The following FAM168A variants were observed in gnomAD, a reference collection of about 807,000 sequenced individuals.
The protein encoded by FAM168A is family with sequence similarity 168 member A.
In FAM168A, 3 loss-of-function variants were observed where a neutral mutation model predicts 28.5. That is an observed-to-expected ratio of 0.11 (90% CI 0.05 to 0.27). The LOEUF is 0.27. Ranked by LOEUF, FAM168A falls within the 10% of genes least tolerant of loss-of-function variation. The pLI is 1.00. For missense variants in FAM168A, 222 were observed against 311.5 expected (o/e 0.71, Z 2.16); for synonymous variants, 122 against 124.2 (o/e 0.98, Z 0.12).
chr11:73,468,581 G>T, intron 1 of FAM168A, 89 bp from the exon 2 acceptor site: 1 of 1,111,108 alleles, frequency 9.0e-7, no homozygotes, highest in Non-Finnish European at 1.3e-6. Flanking sequence ...AGTTTTCCCT[G>T]AAAGGAAAGC....
intron 1 of FAM168A, among the ~76,000 whole-genome samples, chr11:73,518,912 C>T (rs761918241): frequency 2.7e-4 from 41 of 151,856 alleles, no homozygotes; most frequent in Non-Finnish European, 5.2e-4. Context: ...ATTGGCACCT[C>T]CCTCAACTTC....
intron 1 of FAM168A, among the ~76,000 whole-genome samples, chr11:73,565,444 C>A (rs1287247030): frequency 6.6e-6 from 1 of 152,136 alleles, no homozygotes; most frequent in African/African-American, 2.4e-5. Flanking sequence ...AAAGGGTTTG[C>A]ATCGGTAGGT....
chr11:73,517,708 C>CTAT (rs1943323675), intron 1 of FAM168A, among the ~76,000 whole-genome samples: 2 of 152,156 alleles, frequency 1.3e-5, no homozygotes, highest in Non-Finnish European at 2.9e-5. Context: ...TTATACTATA[C>CTAT]GACCTTGGCT....
intron 2 of FAM168A, among the ~76,000 whole-genome samples, chr11:73,461,195 A>C (rs7131044): frequency 0.074 from 11,215 of 152,042 alleles, 1,236 homozygotes; most frequent in African/African-American, 0.24. Flanking sequence ...TGGCTCACTG[A>C]AGCCTTGACT....
intron 1 of FAM168A, among the ~76,000 whole-genome samples, chr11:73,567,880 A>G (rs1394185084): frequency 6.6e-6 from 1 of 152,212 alleles, no homozygotes; most frequent in Non-Finnish European, 1.5e-5. Flanking sequence ...AGATGATTTC[A>G]TGGAGCAGAA....
intron 1 of FAM168A, among the ~76,000 whole-genome samples, chr11:73,501,033 G>T (rs1205073627): frequency 1.3e-5 from 2 of 151,686 alleles, no homozygotes; most frequent in African/African-American, 2.4e-5. Flanking sequence ...AAAAAAGCAG[G>T]GGTTGCAATC....
At chr11:73,488,593 A>G (rs1344367078) in intron 1 of FAM168A, among the ~76,000 whole-genome samples, 1 of 152,166 alleles carries the variant, frequency 6.6e-6, no homozygotes, top group African/African-American at 2.4e-5. Flanking sequence ...AAGAGCTCCC[A>G]CCACATTTAC....
At chr11:73,431,541 T>C (rs567554568) in intron 2 of FAM168A, among the ~76,000 whole-genome samples, 1 of 152,264 alleles carries the variant, frequency 6.6e-6, no homozygotes, top group South Asian at 2.1e-4. Flanking sequence ...TGGTAAATAT[T>C]TAACAACGGG....
intron 2 of FAM168A, among the ~76,000 whole-genome samples, chr11:73,434,553 G>A (rs537948092): frequency 2.0e-5 from 3 of 152,326 alleles, no homozygotes; most frequent in Admixed American, 2.0e-4. Context: ...ATGGGACAAT[G>A]TTGGAGGAAC....
intron 2 of FAM168A, among the ~76,000 whole-genome samples, chr11:73,445,645 A>C (rs1867299051): frequency 1.3e-5 from 2 of 151,918 alleles, no homozygotes; most frequent in Non-Finnish European, 2.9e-5. Context: ...TGAGGTCCTA[A>C]AGGAAGTAGG....
intron 2 of FAM168A, among the ~76,000 whole-genome samples, chr11:73,445,021 A>G (rs1867274213): frequency 6.6e-6 from 1 of 152,198 alleles, no homozygotes; most frequent in Non-Finnish European, 1.5e-5. Context: ...ACATTTTGGG[A>G]GGCCGAGGTG....
rs933698881 is a variant in FAM168A, at chr11:73,457,745, A to G, written c.70+10660T>C. ...TGACAAAAAAAAAAAAAAAAAAAAAAAAAAAGAAAAGAAAAGAAAGAAAAG... is the reference window on the plus strand; with the variant it reads ...TGACAAAAAAAAAAAAAAAAAAAAAGAAAAAGAAAAGAAAAGAAAGAAAAG... On this transcript the variant is annotated intron_variant, in intron 2 of 7. Coordinates refer to ENST00000356467, the MANE Select transcript of FAM168A (RefSeq NM_015159.3). Among the ~76,000 whole-genome samples, 12 of 138,752 alleles carry G rather than the reference A, an allele frequency of 8.6e-5. No homozygotes were observed. In the East Asian group the frequency reaches 1.6e-3, roughly 18 times the overall value. 91.0% of individuals were successfully genotyped at this position (138,752 alleles called of 152,430 possible).
At chr11:73,458,599 A>C (rs538621869) in intron 2 of FAM168A, among the ~76,000 whole-genome samples, 20 of 151,852 alleles carry the variant, frequency 1.3e-4, no homozygotes, top group African/African-American at 4.8e-4. Flanking sequence ...AAGTGTTCTA[A>C]TAGAAATTTC....
intron 6 of FAM168A, 21 bp from the exon 7 acceptor site, chr11:73,407,664 G>C: frequency 6.3e-7 from 1 of 1,594,542 alleles, no homozygotes; most frequent in African/African-American, 1.3e-5. Context: ...AGAGAGAGAA[G>C]AGTAACCTGA....
intron 1 of FAM168A, among the ~76,000 whole-genome samples, chr11:73,544,970 ATT>A (rs1943719289): frequency 1.1e-5 from 1 of 87,680 alleles, no homozygotes. Context: ...TATAATATAT[ATT>A]ATATAATATA....
intron 1 of FAM168A, among the ~76,000 whole-genome samples, chr11:73,537,905 T>C (rs1943602416): frequency 1.3e-5 from 2 of 152,156 alleles, no homozygotes; most frequent in African/African-American, 2.4e-5. Flanking sequence ...CTTGCATAAA[T>C]GTCTGACTTC....
chr11:73,565,887 A>C (rs1944015512), intron 1 of FAM168A, among the ~76,000 whole-genome samples: 1 of 152,172 alleles, frequency 6.6e-6, no homozygotes, highest in Non-Finnish European at 1.5e-5. Context: ...ATGAGAGAGG[A>C]GCTCTTAATT....
intron 1 of FAM168A, among the ~76,000 whole-genome samples, chr11:73,540,899 T>C (rs901576319): frequency 6.6e-6 from 1 of 152,104 alleles, no homozygotes; most frequent in Non-Finnish European, 1.5e-5. Flanking sequence ...TCATCAAATA[T>C]TCATTGAATA....
intron 1 of FAM168A, among the ~76,000 whole-genome samples, chr11:73,583,272 C>T (rs1944271436): frequency 6.6e-6 from 1 of 152,092 alleles, no homozygotes; most frequent in African/African-American, 2.4e-5. Context: ...CACTGCACTC[C>T]AGCCTGGGTG....
Sources: allele counts gnomAD v4.1 joint callset (sites outside exome capture counted in the v4.1 genomes callset), GRCh38; gene constraint gnomAD v4.1.1; transcripts MANE v1.5; gene names NCBI Gene and HGNC (gene_info 2026-07-23, HGNC 2026-07-21).